Variants in MTAP observed in about 807,000 individuals in gnomAD.
MTAP encodes methylthioadenosine phosphorylase, also known as S-methyl-5'-thioadenosine phosphorylase.
In MTAP, 33 loss-of-function variants were observed where a neutral mutation model predicts 33.6. The ratio of observed to expected loss-of-function variants is 0.98; its 90% confidence interval spans 0.74 to 1.31. The LOEUF (loss-of-function observed/expected upper bound fraction) is 1.31. Among genes scored for constraint, MTAP ranks in the 40% most tolerant of loss-of-function variants. MTAP has a pLI of 0.00. For synonymous variants in MTAP, 148 were observed against 125.7 expected (o/e 1.18, Z -1.19); for missense variants, 367 against 360.0 (o/e 1.02, Z -0.16).
At chr9:21,904,973 C>G (rs114613602) in intron 1 of MTAP, among the ~76,000 whole-genome samples, 3,409 of 152,244 alleles carry the variant, frequency 0.022, 134 homozygotes, top group African/African-American at 0.075. Flanking sequence ...GCTCAAACCT[C>G]TAGGGGGAGC....
chr9:21,844,218 A>G (rs1258074768), intron 5 of MTAP, among the ~76,000 whole-genome samples: 1 of 152,178 alleles, frequency 6.6e-6, no homozygotes, highest in Non-Finnish European at 1.5e-5. Flanking sequence ...AACAAGTAGG[A>G]AGATTGAAAC....
At chr9:21,826,271 AC>A (rs1333162365) in intron 4 of MTAP, among the ~76,000 whole-genome samples, 1 of 151,240 alleles carries the variant, frequency 6.6e-6, no homozygotes, top group Non-Finnish European at 1.5e-5. Context: ...TGTCTCATGA[AC>A]TTTTTTTTTA....
chr9:21,927,528 T>C (rs1215178909), intron 1 of MTAP, among the ~76,000 whole-genome samples: 1 of 152,186 alleles, frequency 6.6e-6, no homozygotes, highest in Non-Finnish European at 1.5e-5. Flanking sequence ...ACTGAACACA[T>C]TCATGTTGTG....
intron 5 of MTAP, among the ~76,000 whole-genome samples, chr9:21,852,061 C>T (rs1374262791): frequency 6.6e-6 from 1 of 152,062 alleles, no homozygotes; most frequent in Non-Finnish European, 1.5e-5. Context: ...TACTACTTAG[C>T]CATAAAAAAG....
chr9:21,818,108 G>C lies in MTAP; in HGVS notation c.253G>C (p.Gly85Arg), dbSNP rs749457465. ...GAACATCTGGGCTTTGAAGGAAGAG[G>C]GCTGTACACATGTCATAGTGACCAC... is the stretch of plus-strand genomic sequence containing the variant. The part of the protein sequence containing the change: ...QANIWALKEE[G>R]CTHVIVTTAC... The change falls in exon 4 of 8, where the codon GGC (glycine) becomes CGC (arginine). Residue 85 changes from glycine (G) to arginine (R), a missense_variant. Physicochemically the swap from Gly to Arg is moderately radical, Grantham distance 125 (BLOSUM62 -2). Transcript: ENST00000644715. 1.2e-6 allele frequency: 2 copies of C among 1,613,846 alleles called. No homozygotes were observed. Among genetic ancestry groups the C allele is most frequent in the Non-Finnish European group, 1.7e-6 (2 of 1,179,982 alleles).
chr9:21,889,747 T>C (rs1032680900), intron 1 of MTAP, among the ~76,000 whole-genome samples: 1 of 152,146 alleles, frequency 6.6e-6, no homozygotes, highest in Admixed American at 6.5e-5. Context: ...ATGTGATCTG[T>C]CTTTGGGTTT....
chr9:21,940,163 A>G (rs535211904), downstream of MTAP, among the ~76,000 whole-genome samples: 5 of 152,342 alleles, frequency 3.3e-5, no homozygotes, highest in African/African-American at 1.2e-4. Context: ...ACCCAAAATT[A>G]TAGGCATTGC....
Position 21,816,743 on chromosome 9 carries a change from A to G in MTAP, c.150A>G (p.Ile50Met), listed in dbSNP as rs1311765919. Residue 50 changes from isoleucine (I) to methionine (M), a missense_variant, in exon 3 of 8, where the codon ATA becomes ATG. Coordinates refer to ENST00000644715, the MANE Select transcript of MTAP (RefSeq NM_002451.4). ...CTGATGCCTTAATTTTGGGGAAGAT[A>G]AAAAATGTTGATTGCGTCCTCCTTG... ...KPSDALILGKIKNVDCVLLAR... is the reference protein window; with the variant it reads ...KPSDALILGKMKNVDCVLLAR... The G allele has an allele frequency of 1.9e-6, 3 of 1,612,146 alleles. No individual in the cohort carries two copies. Among genetic ancestry groups the G allele is most frequent in the Non-Finnish European group, 2.5e-6 (3 of 1,179,228 alleles).
Position 21,862,999 on chromosome 9 carries a change from A to G in MTAP, c.*985A>G. The G allele has an allele frequency of 2.0e-6, 2 of 984,810 alleles. No individual in the cohort carries two copies. The allele number at this position is 984,810 out of a possible 1,614,324, so 61.0% of individuals were successfully genotyped here. A position where few individuals can be genotyped will look rare whatever the true frequency, so the allele number is the denominator to read the frequency against. On this transcript the variant is annotated 3_prime_UTR_variant, in exon 8 of 8. Transcript: ENST00000644715. ...TAATGAAGCAGAATTTAAGTTGGTAATATTAAGGTGAATGTCATTTAAGGG... is the reference window on the plus strand; with the variant it reads ...TAATGAAGCAGAATTTAAGTTGGTAGTATTAAGGTGAATGTCATTTAAGGG...
chr9:21,842,489 A>G (rs1825271240), intron 5 of MTAP, among the ~76,000 whole-genome samples: 1 of 152,220 alleles, frequency 6.6e-6, no homozygotes, highest in Non-Finnish European at 1.5e-5. Context: ...AAGAATCTTA[A>G]GAACTGTGAG....
At chr9:21,896,588 A>G (rs1818297291) in intron 1 of MTAP, among the ~76,000 whole-genome samples, 1 of 152,192 alleles carries the variant, frequency 6.6e-6, no homozygotes, top group African/African-American at 2.4e-5. Context: ...ACAAACTACC[A>G]TCAGAGATAC....
intron 4 of MTAP, among the ~76,000 whole-genome samples, chr9:21,827,786 G>A (rs1037839903): frequency 6.6e-6 from 1 of 152,198 alleles, no homozygotes; most frequent in African/African-American, 2.4e-5. Flanking sequence ...GTGTTTTGGA[G>A]ACATCTTGAT....
At chr9:21,826,217 A>C (rs1034254144) in intron 4 of MTAP, among the ~76,000 whole-genome samples, 5 of 149,848 alleles carry the variant, frequency 3.3e-5, no homozygotes, top group Non-Finnish European at 4.4e-5. Context: ...GAGAGTATAA[A>C]TTAGTATTTC....
intron 4 of MTAP, among the ~76,000 whole-genome samples, chr9:21,823,179 A>C (rs953584212): frequency 2.0e-5 from 3 of 152,164 alleles, no homozygotes; most frequent in Non-Finnish European, 2.9e-5. Context: ...CTATGATGTT[A>C]GCTGGTTATT....
intron 1 of MTAP, among the ~76,000 whole-genome samples, chr9:21,911,993 C>T (rs1381640033): frequency 6.6e-6 from 1 of 152,120 alleles, no homozygotes; most frequent in Non-Finnish European, 1.5e-5. Flanking sequence ...TCAGAGAATA[C>T]TATAAACACC....
chr9:21,809,429 G>T (rs1029820017), intron 1 of MTAP, among the ~76,000 whole-genome samples: 1 of 151,628 alleles, frequency 6.6e-6, no homozygotes, highest in South Asian at 2.1e-4. Context: ...CACAAGATCC[G>T]AAGATTGAGA....
intron 5 of MTAP, among the ~76,000 whole-genome samples, chr9:21,848,955 G>A (rs1351894071): frequency 6.6e-6 from 1 of 152,194 alleles, no homozygotes; most frequent in African/African-American, 2.4e-5. Flanking sequence ...TCTGACTCGT[G>A]TAAAGCTCTG....
intron 1 of MTAP, among the ~76,000 whole-genome samples, chr9:21,911,725 G>C (rs1172147279): frequency 6.6e-6 from 1 of 152,054 alleles, no homozygotes; most frequent in East Asian, 1.9e-4. Context: ...AAGAACTAGA[G>C]AAGGAAGAGC....
chr9:21,844,948 G>A (rs373374061), intron 5 of MTAP, among the ~76,000 whole-genome samples: 2 of 151,568 alleles, frequency 1.3e-5, no homozygotes, highest in East Asian at 3.9e-4. Flanking sequence ...AGTGAATGGC[G>A]TGAACCCGGG....
Sources: gnomAD v4.1 joint callset for allele counts (sites outside exome capture counted in the v4.1 genomes callset) on GRCh38, gnomAD v4.1.1 for gene constraint, MANE v1.5 for transcripts, NCBI Gene and HGNC (gene_info 2026-07-23, HGNC 2026-07-21) for gene names.